The following ABL2 variants were observed in gnomAD, a reference collection of about 807,000 sequenced individuals.
ABL2 encodes the protein ABL proto-oncogene 2, non-receptor tyrosine kinase.
ABL2 carries 49 observed loss-of-function variants against 107.7 expected under a neutral mutation model. The observed-to-expected ratio is 0.45, with a 90% CI of 0.36 to 0.58. The LOEUF (loss-of-function observed/expected upper bound fraction) is 0.58, where lower values mean the gene tolerates loss of function less well. Ranked by LOEUF, ABL2 falls within the 20% of genes least tolerant of loss-of-function variation. The probability of loss-of-function intolerance (pLI) is 0.00; values close to 1 mark genes in which losing one functional copy is unlikely to be tolerated. For missense variants in ABL2, 1,245 were observed against 1,457.0 expected (o/e 0.85, Z 2.37); for synonymous variants, 549 against 548.6 (o/e 1.00, Z -0.01).
intron 10 of ABL2, 52 bp downstream of exon 10, chr1:179,112,257 C>T (rs1396218896): frequency 2.0e-6 from 3 of 1,489,278 alleles, no homozygotes; most frequent in African/African-American, 2.8e-5. Context: ...TTATCACCAC[C>T]ACCACCACTA....
chr1:179,105,555 T>G lies in ABL2; in HGVS notation c.*2163A>C. 4.4e-6 allele frequency: 1 copy of G among 229,352 alleles called. No individual in the cohort carries two copies. The highest frequency in any genetic ancestry group is 6.2e-5 in the East Asian group (1 of 16,134). 14.2% of individuals were successfully genotyped at this position (229,352 alleles called of 1,614,324 possible). ...GCTGGTTTTTACATCTGAGTTCTCT[T>G]CCAACCACTAGGAGGAGATGAACCC... On this transcript the variant is annotated 3_prime_UTR_variant, in exon 12 of 12. Transcript: ENST00000502732.
intron 1 of ABL2, chr1:179,184,288 T>A (rs539611865): frequency 1.7e-5 from 9 of 544,212 alleles, no homozygotes; most frequent in Non-Finnish European, 3.0e-5. Context: ...AATAAAGTTA[T>A]CTTCAACGAA....
chr1:179,147,740 T>C (rs1205032978), intron 1 of ABL2, among the ~76,000 whole-genome samples: 1 of 152,148 alleles, frequency 6.6e-6, no homozygotes, highest in Non-Finnish European at 1.5e-5. Context: ...TTGGGTCCCA[T>C]GTCATGTATG....
chr1:179,208,754 T>C (rs928502044), intron 1 of ABL2, among the ~76,000 whole-genome samples: 2 of 152,196 alleles, frequency 1.3e-5, no homozygotes, highest in Middle Eastern at 3.2e-3. Context: ...AATGAAGTAG[T>C]AGGATAATGT....
In ABL2 at chr1:179,101,886, C is replaced by G. The variant is rs908774441; in HGVS notation, c.*5832G>C. 5.5e-6 allele frequency: 1 copy of G among 180,322 alleles called. No homozygotes were observed. The highest frequency in any genetic ancestry group is 2.5e-5 in the African/African-American group (1 of 40,678). The allele number at this position is 180,322 out of a possible 1,614,324, so 11.2% of individuals were successfully genotyped here. ...AGTAAGAGAGGAGCGTAGGGAATGA[C>G]AGTGAAGTTCAAGTGAACTACAGTT... On this transcript the variant is annotated 3_prime_UTR_variant, in exon 12 of 12. Coordinates refer to ENST00000502732, the MANE Select transcript of ABL2 (RefSeq NM_007314.4).
intron 1 of ABL2, among the ~76,000 whole-genome samples, chr1:179,134,878 C>A (rs912030147): frequency 2.6e-5 from 4 of 152,244 alleles, no homozygotes; most frequent in African/African-American, 9.6e-5. Context: ...TGCAGGCGCG[C>A]ACCGCCACGC....
rs1653256322 is a variant in ABL2, at chr1:179,103,354, CT to C, written c.*4363del. 1 of 205,272 alleles carries C rather than the reference CT, an allele frequency of 4.9e-6. No homozygotes were observed. The highest frequency in any genetic ancestry group is 2.3e-5 in the African/African-American group (1 of 43,804). 12.7% of individuals were successfully genotyped at this position (205,272 alleles called of 1,614,324 possible). A position where few individuals can be genotyped will look rare whatever the true frequency, so the allele number is the denominator to read the frequency against. On this transcript the variant is annotated 3_prime_UTR_variant, in exon 12 of 12. Transcript: ENST00000502732. ...ACAGGGTCCATCCACATTGAATCAA[CT>C]GTCTTATCTTTTAAACAGACAATAC...
Position 179,117,502 on chromosome 1 carries a change from C to T in ABL2, c.1238G>A (p.Arg413His), listed in dbSNP as rs2102613605. 6.2e-7 allele frequency: 1 copy of T among 1,614,076 alleles called. No individual in the cohort carries two copies. Among genetic ancestry groups the T allele is most frequent in the Non-Finnish European group, 8.5e-7 (1 of 1,180,024 alleles). Residue 413 changes from arginine to histidine, a missense_variant, in exon 8 of 12, where the codon CGT becomes CAT. By Grantham distance (29) the Arg-to-His change is conservative (BLOSUM62 0). Transcript: ENST00000502732. Reference sequence around the variant, plus strand: ...ATGGTTTTCTCCCACTAGGCAGTTACGAGCTGCAAGATCTCTGTGGGAAAG... The same window carrying T: ...ATGGTTTTCTCCCACTAGGCAGTTATGAGCTGCAAGATCTCTGTGGGAAAG... ...KNFIHRDLAA[R>H]NCLVGENHVV...
chr1:179,203,881 C>T (rs1661810244), intron 1 of ABL2, among the ~76,000 whole-genome samples: 1 of 152,178 alleles, frequency 6.6e-6, no homozygotes, highest in South Asian at 2.1e-4. Context: ...ACTTCCTTGG[C>T]TGTGTGGCCT....
At chr1:179,172,388 A>G (rs958816571) in intron 1 of ABL2, among the ~76,000 whole-genome samples, 1 of 152,206 alleles carries the variant, frequency 6.6e-6, no homozygotes, top group Non-Finnish European at 1.5e-5. Context: ...GTCTTTTTCA[A>G]TCTAAAGACT....
intron 1 of ABL2, among the ~76,000 whole-genome samples, chr1:179,174,871 G>A (rs1232659006): frequency 2.9e-5 from 4 of 140,322 alleles, no homozygotes; most frequent in African/African-American, 1.1e-4. Context: ...CTCCAGCCTG[G>A]GTGACAGAGC....
intron 1 of ABL2, among the ~76,000 whole-genome samples, chr1:179,161,725 G>A (rs777920755): frequency 5.3e-5 from 8 of 152,078 alleles, no homozygotes; most frequent in East Asian, 1.9e-4. Context: ...AAGAAATAAC[G>A]AGTACTTATC....
At chr1:179,204,092 T>C (rs1319221143) in intron 1 of ABL2, among the ~76,000 whole-genome samples, 1 of 152,144 alleles carries the variant, frequency 6.6e-6, no homozygotes, top group Non-Finnish European at 1.5e-5. Flanking sequence ...AGTGGCCTGA[T>C]CTCAGCTCAC....
chr1:179,217,755 T>TA (rs1455517035), intron 1 of ABL2, among the ~76,000 whole-genome samples: 1 of 152,096 alleles, frequency 6.6e-6, no homozygotes, highest in African/African-American at 2.4e-5. Context: ...CCATCATATA[T>TA]ATCTAAGACT....
intron 1 of ABL2, among the ~76,000 whole-genome samples, chr1:179,160,878 C>G (rs1659023901): frequency 6.6e-6 from 1 of 152,162 alleles, no homozygotes; most frequent in African/African-American, 2.4e-5. Context: ...GATACCACTA[C>G]AAGCACAAGC....
At chr1:179,132,684 C>T (rs1367198934) in intron 2 of ABL2, among the ~76,000 whole-genome samples, 3 of 151,734 alleles carry the variant, frequency 2.0e-5, no homozygotes, top group African/African-American at 4.8e-5. Context: ...GGATTACAGG[C>T]GCCTGCCACC....
chr1:179,107,785 C>T lies in ABL2; in HGVS notation c.3482G>A (p.Gly1161Glu), dbSNP rs2102571608. ...TAAGTTATTAAGGACAGGGTTTGTC[C>T]CGGGCACACCAGCAGCTGCTGAAGA... Reference protein sequence around the residue: ...QVSSAAAGVPGTNPVLNNLLS... With the variant: ...QVSSAAAGVPETNPVLNNLLS... Residue 1161 changes from glycine (G) to glutamate (E), a missense_variant, in exon 12 of 12, where the codon GGG (glycine) becomes GAG (glutamate). Around this residue, in one of 3 missense-constraint regions of ABL2, gnomAD observed 761 missense variants for 766.4 expected, o/e 0.99. Transcript: ENST00000502732. The T allele has an allele frequency of 2.5e-6, 4 of 1,614,204 alleles. No individual in the cohort carries two copies. The highest frequency in any genetic ancestry group is 1.1e-5 in the South Asian group (1 of 91,072).
chr1:179,147,863 A>G (rs562973384), intron 1 of ABL2, among the ~76,000 whole-genome samples: 1 of 152,164 alleles, frequency 6.6e-6, no homozygotes, highest in Non-Finnish European at 1.5e-5. Context: ...AAAAAGCAAT[A>G]GAGAGACCTC....
rs889043491 is a variant in ABL2, at chr1:179,103,465, C to A, written c.*4253G>T. On this transcript the variant is annotated 3_prime_UTR_variant, in exon 12 of 12. Coordinates refer to ENST00000502732, the MANE Select transcript of ABL2 (RefSeq NM_007314.4). ...CTCATAGTCATTAAAATAATGTGAA[C>A]AATAAAGTTTTTTTAAAGAAAAGGG... 3 of 205,030 alleles carry A rather than the reference C, an allele frequency of 1.5e-5. No homozygotes were observed. The highest frequency in any genetic ancestry group is 3.0e-5 in the Non-Finnish European group (3 of 100,430). The allele number at this position is 205,030 out of a possible 1,614,324, so 12.7% of individuals were successfully genotyped here. A position where few individuals can be genotyped will look rare whatever the true frequency, so the allele number is the denominator to read the frequency against.
Sources: allele counts gnomAD v4.1 joint callset (sites outside exome capture counted in the v4.1 genomes callset), GRCh38; gene constraint gnomAD v4.1.1; regional missense constraint gnomAD v4.1.1; transcripts MANE v1.5; gene names NCBI Gene and HGNC (gene_info 2026-07-23, HGNC 2026-07-21).